KCNB2: variants seen among roughly 807,000 people sequenced by gnomAD.
KCNB2 encodes potassium voltage-gated channel subfamily B member 2, also known as delayed rectifier potassium channel protein.
A neutral mutation model predicts 61.5 loss-of-function variants in KCNB2; 15 were observed. The ratio of observed to expected loss-of-function variants is 0.24; its 90% CI spans 0.16 to 0.38. The LOEUF is 0.38. KCNB2 is among the 10% of genes least tolerant of loss of function. KCNB2 has a pLI of 1.00. For missense variants in KCNB2, 828 were observed against 1,125.2 expected (o/e 0.74, Z 3.78); for synonymous variants, 457 against 446.0 (o/e 1.02, Z -0.31).
intron 2 of KCNB2, among the ~76,000 whole-genome samples, chr8:72,830,007 A>G (rs898909713): frequency 6.6e-6 from 1 of 151,062 alleles, no homozygotes; most frequent in Non-Finnish European, 1.5e-5. Flanking sequence ...AAAGCCAACT[A>G]GGTTTTCCAT....
chr8:72,804,015 C>T lies in KCNB2; in HGVS notation c.580-131920C>T, dbSNP rs141198776. Among the ~76,000 whole-genome samples the T allele has an allele frequency of 5.9e-5, 9 of 152,212 alleles. No homozygotes were observed. In the East Asian group the frequency reaches 1.2e-3, roughly 20 times the overall value. ...GGTTCAGCATGCCAGAATGAACGCA[C>T]GTGAGTGGACATGGCGGGAGAGGGT... On this transcript the variant is annotated intron_variant, in intron 2 of 2. Coordinates refer to ENST00000523207, the MANE Select transcript of KCNB2 (RefSeq NM_004770.3).
chr8:72,782,180 G>C (rs953095050), intron 2 of KCNB2, among the ~76,000 whole-genome samples: 6 of 152,102 alleles, frequency 3.9e-5, no homozygotes, highest in Non-Finnish European at 7.4e-5. Flanking sequence ...GTTGGTGTGA[G>C]ATGTCATGAA....
At chr8:72,618,119 T>A (rs1805650529) in intron 2 of KCNB2, among the ~76,000 whole-genome samples, 1 of 152,004 alleles carries the variant, frequency 6.6e-6, no homozygotes, top group Non-Finnish European at 1.5e-5. Flanking sequence ...AAGCTAAAAA[T>A]GCCTACCGAG....
At chr8:72,550,889 A>G (rs1013021844) in intron 1 of KCNB2, among the ~76,000 whole-genome samples, 2 of 152,154 alleles carry the variant, frequency 1.3e-5, no homozygotes, top group African/African-American at 2.4e-5. Flanking sequence ...ATATTTGGAG[A>G]TTCAGACAGG....
chr8:72,924,800 A>G (rs536151205), intron 2 of KCNB2, among the ~76,000 whole-genome samples: 43 of 152,200 alleles, frequency 2.8e-4, no homozygotes, highest in Non-Finnish European at 5.0e-4. Context: ...GCTTAGCTTC[A>G]TGACAGGAAG....
intron 2 of KCNB2, among the ~76,000 whole-genome samples, chr8:72,874,387 TGA>T (rs1259978732): frequency 6.6e-6 from 1 of 152,070 alleles, no homozygotes; most frequent in Middle Eastern, 3.2e-3. Flanking sequence ...TCAGGGTGTA[TGA>T]GAGAGGTGGT....
rs397819063 is a variant in KCNB2 at position 72,699,445 on chromosome 8, G to GTT, written c.579+131139_579+131140dup. On this transcript the variant is annotated intron_variant, in intron 2 of 2. Coordinates refer to ENST00000523207, the MANE Select transcript of KCNB2 (RefSeq NM_004770.3). The stretch of plus-strand genomic sequence containing the variant: ...TGCCCACTTTTTGATGGGGTTGTTT[G>GTT]TTTTTTTTCTTGTAAATTTGTTTAA... Among the ~76,000 whole-genome samples the GTT allele has an allele frequency of 2.4e-3, 362 of 151,512 alleles. 3 individuals carry two copies. Among genetic ancestry groups the GTT allele is most frequent in the African/African-American group, 7.4e-3 (305 of 41,290 alleles).
At position 72,576,114 on chromosome 8, in the gene KCNB2, A is replaced by G. The variant is rs187435331; in HGVS notation, c.579+7801A>G. ...AACATGGTATAGGAAAAAACAAAAC[A>G]GCTGCTAAAGTACAATTCATGAAAT... On this transcript the variant is annotated intron_variant, in intron 2 of 2. Coordinates refer to ENST00000523207, the MANE Select transcript of KCNB2 (RefSeq NM_004770.3). 1.2e-3 allele frequency among the ~76,000 whole-genome samples: 177 copies of G among 152,370 alleles called. 1 individual carries two copies. Among genetic ancestry groups the G allele is most frequent in the Non-Finnish European group, 2.3e-3 (158 of 68,040 alleles).
intron 2 of KCNB2, among the ~76,000 whole-genome samples, chr8:72,694,518 A>T (rs1472816037): frequency 6.6e-6 from 1 of 152,220 alleles, no homozygotes; most frequent in Non-Finnish European, 1.5e-5. Context: ...TTAAATGTGT[A>T]TGGAAACTCT....
In KCNB2 at chr8:72,904,745, T is replaced by C. The variant is rs1459722318; in HGVS notation, c.580-31190T>C. Among the ~76,000 whole-genome samples the C allele has an allele frequency of 2.0e-5, 3 of 152,212 alleles. No individual in the cohort carries two copies. In the East Asian group the frequency reaches 5.8e-4, roughly 29 times the overall value. On this transcript the variant is annotated intron_variant, in intron 2 of 2. Transcript: ENST00000523207. Reference sequence around the variant, plus strand: ...AAATGTTTCTTCATTAGTGTTCCCATAGCACTTTACATAAACATCTACTTG... The same window carrying C: ...AAATGTTTCTTCATTAGTGTTCCCACAGCACTTTACATAAACATCTACTTG...
intron 2 of KCNB2, among the ~76,000 whole-genome samples, chr8:72,765,814 G>C (rs1808452568): frequency 6.6e-6 from 1 of 152,178 alleles, no homozygotes; most frequent in Non-Finnish European, 1.5e-5. Flanking sequence ...CTAATTCACT[G>C]GATCTGGGAT....
At chr8:72,920,471 ATC>A (rs112320635) in intron 2 of KCNB2, among the ~76,000 whole-genome samples, 3,528 of 42,200 alleles carry the variant, frequency 0.084, 495 homozygotes, top group African/African-American at 0.24. Flanking sequence ...CTATCTATCT[ATC>A]TATATATATA....
intron 2 of KCNB2, among the ~76,000 whole-genome samples, chr8:72,744,177 C>T (rs1484629603): frequency 6.6e-6 from 1 of 152,076 alleles, no homozygotes; most frequent in African/African-American, 2.4e-5. Context: ...TAAGAGAAGA[C>T]CAAGTGCAGG....
intron 2 of KCNB2, among the ~76,000 whole-genome samples, chr8:72,702,260 C>T (rs897041900): frequency 1.3e-5 from 2 of 152,214 alleles, no homozygotes; most frequent in African/African-American, 2.4e-5. Context: ...CAGCATTGCT[C>T]TCATTTCCAG....
intron 2 of KCNB2, among the ~76,000 whole-genome samples, chr8:72,848,112 G>A (rs1421432169): frequency 2.0e-5 from 3 of 152,136 alleles, no homozygotes; most frequent in African/African-American, 7.2e-5. Context: ...GCTGCTAGGA[G>A]GCTGTTATTT....
intron 2 of KCNB2, among the ~76,000 whole-genome samples, chr8:72,683,232 A>C (rs961642795): frequency 1.2e-4 from 19 of 152,202 alleles, no homozygotes; most frequent in African/African-American, 4.3e-4. Flanking sequence ...ACTGTCCCTA[A>C]GCCTTTTCCA....
At chr8:72,624,531 T>A (rs1805759933) in intron 2 of KCNB2, among the ~76,000 whole-genome samples, 1 of 152,230 alleles carries the variant, frequency 6.6e-6, no homozygotes, top group Non-Finnish European at 1.5e-5. Context: ...TATGGGTTTT[T>A]TTTTTCATTG....
chr8:72,675,588 C>T (rs1806640545), intron 2 of KCNB2, among the ~76,000 whole-genome samples: 1 of 151,936 alleles, frequency 6.6e-6, no homozygotes, highest in South Asian at 2.1e-4. Flanking sequence ...TCTCAGCTCA[C>T]TGCAACCTCC....
At chr8:72,891,848 C>T (rs1805901259) in intron 2 of KCNB2, among the ~76,000 whole-genome samples, 1 of 152,102 alleles carries the variant, frequency 6.6e-6, no homozygotes, top group South Asian at 2.1e-4. Flanking sequence ...CAGGAATTAA[C>T]ACATCCCACT....
Sources: gnomAD v4.1 joint callset for allele counts (sites outside exome capture counted in the v4.1 genomes callset) on GRCh38, gnomAD v4.1.1 for gene constraint, MANE v1.5 for transcripts, NCBI Gene and HGNC (gene_info 2026-07-23, HGNC 2026-07-21) for gene names.